Variants in BACH2 observed in about 807,000 individuals in gnomAD.
BACH2 encodes BACH transcriptional regulator 2, also known as transcription regulator protein BACH2.
A neutral mutation model predicts 61.8 loss-of-function variants in BACH2; 5 were observed. The observed-to-expected ratio is 0.08, with a 90% CI of 0.04 to 0.17. The LOEUF (loss-of-function observed/expected upper bound fraction) is 0.17. Ranked by LOEUF, BACH2 falls within the 10% of genes least tolerant of loss-of-function variation. The probability of loss-of-function intolerance (pLI) is 1.00; values close to 1 mark genes in which losing one functional copy is unlikely to be tolerated. For synonymous variants in BACH2, 446 were observed against 440.1 expected (o/e 1.01, Z -0.17); for missense variants, 824 against 1,091.1 (o/e 0.76, Z 3.45).
At chr6:89,946,861 T>C (rs963539049) in intron 7 of BACH2, among the ~76,000 whole-genome samples, 1 of 152,190 alleles carries the variant, frequency 6.6e-6, no homozygotes, top group African/African-American at 2.4e-5. Context: ...AAGCTGATTA[T>C]TGATAAAGGA....
chr6:90,098,972 A>T (rs1226275705), intron 4 of BACH2, among the ~76,000 whole-genome samples: 1 of 152,122 alleles, frequency 6.6e-6, no homozygotes, highest in Non-Finnish European at 1.5e-5. Context: ...TCAATTGGCA[A>T]TCTTGGATCC....
rs59169449 is a variant in BACH2 at position 90,239,798 on chromosome 6, TACACACACACACACACACACAC to T, written c.-275+12693_-275+12714del. 3.8e-5 allele frequency among the ~76,000 whole-genome samples: 5 copies of T among 132,300 alleles called. No homozygotes were observed. The East Asian group carries it at 6.6e-4, about 17-fold the overall frequency. 86.8% of individuals were successfully genotyped at this position (132,300 alleles called of 152,430 possible). Reference sequence around the variant, plus strand: ...GATCTCCATAGTAAGGGGGGGGGAATACACACACACACACACACACACACACACACACACACACACACACACG... The same window carrying T: ...GATCTCCATAGTAAGGGGGGGGGAATACACACACACACACACACACACACG... On this transcript the variant is annotated intron_variant, in intron 3 of 8. Coordinates refer to ENST00000257749, the MANE Select transcript of BACH2 (RefSeq NM_021813.4).
At chr6:90,195,565 G>C (rs1768729618) in intron 4 of BACH2, among the ~76,000 whole-genome samples, 1 of 152,184 alleles carries the variant, frequency 6.6e-6, no homozygotes, top group Non-Finnish European at 1.5e-5. Context: ...TGATTCAGCG[G>C]ATTCTAAGGT....
At chr6:90,296,020 G>A (rs942200754) in intron 1 of BACH2, among the ~76,000 whole-genome samples, 2 of 152,186 alleles carry the variant, frequency 1.3e-5, no homozygotes, top group East Asian at 2.0e-4. Context: ...CTGGAGCTGG[G>A]ATCGCAGGCT....
At chr6:90,124,817 G>A (rs1349943874) in intron 4 of BACH2, among the ~76,000 whole-genome samples, 2 of 151,988 alleles carry the variant, frequency 1.3e-5, no homozygotes, top group African/African-American at 4.8e-5. Flanking sequence ...GCAATTTTAC[G>A]CACACTGATC....
intron 5 of BACH2, among the ~76,000 whole-genome samples, chr6:90,015,964 T>C (rs887751369): frequency 1.3e-5 from 2 of 152,198 alleles, no homozygotes; most frequent in African/African-American, 4.8e-5. Context: ...CATATATATT[T>C]AGGGTTTTTA....
chr6:90,221,789 A>C (rs981128744), intron 3 of BACH2, among the ~76,000 whole-genome samples: 21 of 152,186 alleles, frequency 1.4e-4, no homozygotes, highest in Admixed American at 1.1e-3. Context: ...ATGTGAAAAA[A>C]ATTAAAACCC....
At chr6:89,968,083 T>C (rs1238872633) in intron 6 of BACH2, among the ~76,000 whole-genome samples, 2 of 152,238 alleles carry the variant, frequency 1.3e-5, no homozygotes, top group Non-Finnish European at 2.9e-5. Flanking sequence ...GACCACTGCC[T>C]AGATGCACTG....
At chr6:90,006,428 G>T (rs1236531199) in intron 6 of BACH2, among the ~76,000 whole-genome samples, 2 of 152,124 alleles carry the variant, frequency 1.3e-5, no homozygotes, top group Non-Finnish European at 2.9e-5. Context: ...CCGTTACTTG[G>T]TACCCAGTCC....
At chr6:90,083,387 C>A (rs1781802179) in intron 5 of BACH2, among the ~76,000 whole-genome samples, 1 of 152,100 alleles carries the variant, frequency 6.6e-6, no homozygotes, top group Non-Finnish European at 1.5e-5. Flanking sequence ...ATGTTTACAA[C>A]CATGCTGGTA....
intron 3 of BACH2, among the ~76,000 whole-genome samples, chr6:90,219,106 CCTT>C (rs1387205714): frequency 6.6e-6 from 1 of 152,126 alleles, no homozygotes; most frequent in Admixed American, 6.5e-5. Context: ...ACAAAATTAT[CCTT>C]CTCCCCACCT....
intron 6 of BACH2, among the ~76,000 whole-genome samples, chr6:89,962,074 T>C (rs1016602041): frequency 3.9e-5 from 6 of 152,126 alleles, no homozygotes; most frequent in Non-Finnish European, 1.5e-5. Flanking sequence ...TTTCTTCTCT[T>C]TGTTTTGCAA....
intron 3 of BACH2, among the ~76,000 whole-genome samples, chr6:90,221,232 T>C (rs891369715): frequency 3.3e-5 from 5 of 152,254 alleles, no homozygotes; most frequent in Non-Finnish European, 7.3e-5. Flanking sequence ...TTTATACTTT[T>C]AGTCTGTACA....
chr6:90,182,695 G>T (rs1768210519), intron 4 of BACH2, among the ~76,000 whole-genome samples: 2 of 152,132 alleles, frequency 1.3e-5, no homozygotes, highest in South Asian at 4.1e-4. Flanking sequence ...GTCCAATACT[G>T]AGGCAAATGA....
chr6:90,105,573 A>C (rs1405531652), intron 4 of BACH2, among the ~76,000 whole-genome samples: 2 of 152,248 alleles, frequency 1.3e-5, no homozygotes, highest in Non-Finnish European at 2.9e-5. Flanking sequence ...ATTAGGCTGA[A>C]CTGTAAGACA....
intron 1 of BACH2, 60 bp downstream of exon 1, chr6:90,296,420 C>T (rs2127898037): frequency 6.6e-6 from 1 of 150,960 alleles, no homozygotes; most frequent in East Asian, 2.0e-4. Context: ...GCTCCCCCCG[C>T]AAACTTGCCC....
chr6:89,987,227 T>C (rs1362680156), intron 6 of BACH2, among the ~76,000 whole-genome samples: 1 of 152,192 alleles, frequency 6.6e-6, no homozygotes, highest in Non-Finnish European at 1.5e-5. Context: ...AAGAAGAGGA[T>C]GGGAGAGTCC....
chr6:89,981,133 CTTTTT>C (rs35955706), intron 6 of BACH2, among the ~76,000 whole-genome samples: 1 of 139,038 alleles, frequency 7.2e-6, no homozygotes, highest in Admixed American at 7.2e-5. Flanking sequence ...TCGTGATTCG[CTTTTT>C]TTTTTTTTTT....
chr6:89,941,367 C>G (rs3734662), intron 7 of BACH2, among the ~76,000 whole-genome samples: 2 of 151,994 alleles, frequency 1.3e-5, no homozygotes, highest in Non-Finnish European at 2.9e-5. Context: ...AGGTTCCCAG[C>G]AGGTGATCTG....
Sources: gnomAD v4.1 joint callset for allele counts (sites outside exome capture counted in the v4.1 genomes callset) on GRCh38, gnomAD v4.1.1 for gene constraint, MANE v1.5 for transcripts, NCBI Gene and HGNC (gene_info 2026-07-23, HGNC 2026-07-21) for gene names.